PDE11A: variants seen among roughly 807,000 people sequenced by gnomAD.
PDE11A encodes the protein phosphodiesterase 11A.
PDE11A carries 100 observed loss-of-function variants against 100.5 expected under a neutral mutation model. That is an observed-to-expected ratio of 1.00 (90% CI 0.85 to 1.18). The LOEUF is 1.18. Ranked by LOEUF, PDE11A falls within the 50% of genes most tolerant of loss-of-function variation. The probability of loss-of-function intolerance (pLI) is 0.00; values close to 1 mark genes in which losing one functional copy is unlikely to be tolerated. For synonymous variants in PDE11A, 381 were observed against 420.8 expected (o/e 0.91, Z 1.16); for missense variants, 1,141 against 1,152.6 (o/e 0.99, Z 0.15).
At chr2:177,676,003 A>G (rs1358505419) in intron 16 of PDE11A, 1 of 280,200 alleles carries the variant, frequency 3.6e-6, no homozygotes, top group Non-Finnish European at 6.9e-6. Flanking sequence ...CTTCATTTTC[A>G]TCTGCTCTAC....
At chr2:178,004,846 C>A (rs2086185976) in intron 2 of PDE11A, among the ~76,000 whole-genome samples, 1 of 152,108 alleles carries the variant, frequency 6.6e-6, no homozygotes, top group South Asian at 2.1e-4. Context: ...CTGGCTATGT[C>A]AGGTTATTAT....
chr2:177,769,376 G>T lies in PDE11A; in HGVS notation c.1738-3C>A. 6.4e-7 allele frequency: 1 copy of T among 1,550,510 alleles called. No individual in the cohort carries two copies. Among genetic ancestry groups the T allele is most frequent in the Non-Finnish European group, 8.9e-7 (1 of 1,122,380 alleles). ...CATGTTGCATGGTATGATAGCACCT[G>T]ATTCAGAAGAAAAAAAAATAATTTT... is the stretch of plus-strand genomic sequence containing the variant. On this transcript the variant is annotated splice_region_variant and splice_polypyrimidine_tract_variant and intron_variant, in intron 9 of 19. Coordinates refer to ENST00000286063, the MANE Select transcript of PDE11A (RefSeq NM_016953.4).
intron 5 of PDE11A, among the ~76,000 whole-genome samples, chr2:177,844,057 A>T (rs35600620): frequency 0.15 from 22,870 of 152,254 alleles, 2,220 homozygotes; most frequent in Non-Finnish European, 0.21. Flanking sequence ...TTAAGGCCTG[A>T]GTGATCAGAT....
intron 10 of PDE11A, among the ~76,000 whole-genome samples, chr2:177,739,606 C>A (rs1327084694): frequency 6.6e-6 from 1 of 152,172 alleles, no homozygotes; most frequent in South Asian, 2.1e-4. Context: ...AATTTCCCAT[C>A]CTGTGCATCA....
intron 10 of PDE11A, among the ~76,000 whole-genome samples, chr2:177,736,480 C>G (rs1975324): frequency 0.69 from 104,114 of 151,272 alleles, 38,102 homozygotes; most frequent in East Asian, 0.86. Flanking sequence ...GCACTGCACT[C>G]CAGCAGGGGT....
At chr2:178,077,634 A>C (rs1230331280), upstream of PDE11A, among the ~76,000 whole-genome samples, 1 of 152,220 alleles carries the variant, frequency 6.6e-6, no homozygotes, top group East Asian at 1.9e-4. Flanking sequence ...CTGCAGCTCC[A>C]CAAAAGCTAT....
At chr2:177,915,523 T>A (rs1184283862) in intron 2 of PDE11A, among the ~76,000 whole-genome samples, 1 of 152,224 alleles carries the variant, frequency 6.6e-6, no homozygotes, top group Non-Finnish European at 1.5e-5. Flanking sequence ...CATGGCTTAA[T>A]AGTTCATTTC....
chr2:177,906,930 G>T (rs187993426), intron 2 of PDE11A, among the ~76,000 whole-genome samples: 1 of 152,100 alleles, frequency 6.6e-6, no homozygotes, highest in African/African-American at 2.4e-5. Flanking sequence ...TGACTATAAC[G>T]GGGATAAAAG....
At chr2:177,961,368 G>A (rs1388435639) in intron 2 of PDE11A, among the ~76,000 whole-genome samples, 1 of 152,034 alleles carries the variant, frequency 6.6e-6, no homozygotes, top group Admixed American at 6.5e-5. Context: ...AGCCTGCTGA[G>A]ACCTTTCCTT....
chr2:177,905,890 A>G (rs2084778188), intron 2 of PDE11A, among the ~76,000 whole-genome samples: 1 of 152,164 alleles, frequency 6.6e-6, no homozygotes, highest in Admixed American at 6.5e-5. Flanking sequence ...TATGGGCAGA[A>G]ACACCCAGCC....
chr2:178,072,920 T>C, upstream of PDE11A: 1 of 985,384 alleles, frequency 1.0e-6, no homozygotes, highest in East Asian at 1.1e-4. Flanking sequence ...AGGCGGTTCC[T>C]GGAAGAGTCT....
chr2:177,944,481 C>T (rs2085380193), intron 2 of PDE11A, among the ~76,000 whole-genome samples: 1 of 152,128 alleles, frequency 6.6e-6, no homozygotes, highest in Non-Finnish European at 1.5e-5. Flanking sequence ...AGGATTCTTG[C>T]TTATGTGAAT....
At chr2:178,096,495 T>C (rs960204646) in intron 2 of PDE11A, among the ~76,000 whole-genome samples, 6 of 152,030 alleles carry the variant, frequency 3.9e-5, no homozygotes, top group African/African-American at 1.5e-4. Context: ...TTCTGCCACA[T>C]GGTCGGGCTG....
At chr2:178,013,086 G>A (rs2086291031) in intron 2 of PDE11A, among the ~76,000 whole-genome samples, 1 of 152,116 alleles carries the variant, frequency 6.6e-6, no homozygotes, top group Non-Finnish European at 1.5e-5. Flanking sequence ...TTGCTTCAGA[G>A]GACAGATCAA....
At chr2:177,744,182 A>G (rs2081914341) in intron 10 of PDE11A, among the ~76,000 whole-genome samples, 1 of 152,096 alleles carries the variant, frequency 6.6e-6, no homozygotes, top group South Asian at 2.1e-4. Flanking sequence ...GGGGGAAGGG[A>G]ATAAAGGGAT....
intron 2 of PDE11A, among the ~76,000 whole-genome samples, chr2:178,088,170 G>A (rs907300317): frequency 1.3e-5 from 2 of 152,192 alleles, no homozygotes; most frequent in Admixed American, 1.3e-4. Flanking sequence ...TCAAGCTGAG[G>A]AAATGCCTGA....
intron 12 of PDE11A, among the ~76,000 whole-genome samples, chr2:177,726,842 T>C (rs1254799646): frequency 6.6e-6 from 1 of 152,032 alleles, no homozygotes; most frequent in African/African-American, 2.4e-5. Context: ...TATGGCAATA[T>C]GTTTACACAC....
In PDE11A at chr2:177,945,579, C is replaced by T. The variant is rs1487180157; in HGVS notation, c.1072-40392G>A. 5.3e-5 allele frequency among the ~76,000 whole-genome samples: 8 copies of T among 151,382 alleles called. No homozygotes were observed. In the East Asian group the frequency reaches 1.2e-3, roughly 22 times the overall value. ...TCTGAGAAGTGAGGAGACCCTCTGC[C>T]TGGCAACCACCCCGTCTGAAAAGTG... On this transcript the variant is annotated intron_variant, in intron 2 of 19. Coordinates refer to ENST00000286063, the MANE Select transcript of PDE11A (RefSeq NM_016953.4).
chr2:177,631,318 AAAAAC>A (rs1212016736), intron 19 of PDE11A, among the ~76,000 whole-genome samples: 14 of 49,302 alleles, frequency 2.8e-4, no homozygotes, highest in Admixed American at 1.1e-3. Context: ...AAACAAAAAA[AAAAAC>A]AACCTAGGCG....
Sources: gnomAD v4.1 joint callset for allele counts (sites outside exome capture counted in the v4.1 genomes callset) on GRCh38, gnomAD v4.1.1 for gene constraint, MANE v1.5 for transcripts, NCBI Gene and HGNC (gene_info 2026-07-23, HGNC 2026-07-21) for gene names.